ENOX1: variants seen among roughly 807,000 people sequenced by gnomAD.
ENOX1 encodes the protein ecto-NOX disulfide-thiol exchanger 1.
A neutral mutation model predicts 82.5 loss-of-function variants in ENOX1; 42 were observed. The ratio of observed to expected loss-of-function variants is 0.51; its 90% confidence interval spans 0.40 to 0.66. ENOX1 has a LOEUF of 0.66. Among genes scored for constraint, ENOX1 ranks in the 30% least tolerant of loss-of-function variants. The probability of loss-of-function intolerance (pLI) is 0.00; values close to 1 mark genes in which losing one functional copy is unlikely to be tolerated. For missense variants in ENOX1, 608 were observed against 811.6 expected (o/e 0.75, Z 3.05); for synonymous variants, 271 against 282.2 (o/e 0.96, Z 0.40).
intron 1 of ENOX1, among the ~76,000 whole-genome samples, chr13:43,784,330 G>C (rs1312112309): frequency 6.6e-6 from 1 of 152,120 alleles, no homozygotes; most frequent in Non-Finnish European, 1.5e-5. Flanking sequence ...GTATGAACTA[G>C]AGAAATAAAA....
chr13:43,285,782 C>G (rs2045658950), intron 12 of ENOX1, among the ~76,000 whole-genome samples: 1 of 145,340 alleles, frequency 6.9e-6, no homozygotes, highest in African/African-American at 2.6e-5. Flanking sequence ...TGCACTCCAG[C>G]CTGGGTGACA....
chr13:43,726,969 T>C (rs988343580), intron 1 of ENOX1, among the ~76,000 whole-genome samples: 1 of 152,166 alleles, frequency 6.6e-6, no homozygotes, highest in Non-Finnish European at 1.5e-5. Context: ...CTCGAATTCC[T>C]GACCTCAAGT....
intron 2 of ENOX1, chr13:43,544,372 G>C (rs1371639177): frequency 6.6e-6 from 1 of 152,102 alleles, no homozygotes; most frequent in Non-Finnish European, 1.5e-5. Flanking sequence ...CCAAAGTTAG[G>C]CACTCACTAA....
chr13:43,773,058 C>A (rs561406344), intron 1 of ENOX1, among the ~76,000 whole-genome samples: 1 of 152,306 alleles, frequency 6.6e-6, no homozygotes, highest in Admixed American at 6.5e-5. Context: ...GGTCACTATT[C>A]TTGTCCCTTG....
At chr13:43,535,134 A>G (rs2153690595) in intron 2 of ENOX1, among the ~76,000 whole-genome samples, 1 of 152,326 alleles carries the variant, frequency 6.6e-6, no homozygotes, top group African/African-American at 2.4e-5. Context: ...TAGAGATTAC[A>G]CTACAGAGTA....
intron 3 of ENOX1, among the ~76,000 whole-genome samples, chr13:43,432,372 G>A (rs2055726232): frequency 6.6e-6 from 1 of 152,184 alleles, no homozygotes; most frequent in Admixed American, 6.5e-5. Context: ...AGGGTACAGT[G>A]GCTAACACCT....
chr13:43,314,195 A>C (rs991610071), intron 11 of ENOX1, among the ~76,000 whole-genome samples: 2 of 152,176 alleles, frequency 1.3e-5, no homozygotes, highest in African/African-American at 4.8e-5. Context: ...TCCCTCTTTG[A>C]TATCAAGAGC....
At chr13:43,559,699 C>T (rs75726044) in intron 2 of ENOX1, among the ~76,000 whole-genome samples, 1,906 of 152,232 alleles carry the variant, frequency 0.013, 34 homozygotes, top group African/African-American at 0.044. Context: ...AGGTGCCATA[C>T]AGAACAATAT....
At chr13:43,668,562 C>T (rs912617752) in intron 1 of ENOX1, among the ~76,000 whole-genome samples, 12 of 152,284 alleles carry the variant, frequency 7.9e-5, no homozygotes, top group Admixed American at 4.6e-4. Context: ...AAGTATTTTA[C>T]ACTCTAAAGA....
intron 12 of ENOX1, among the ~76,000 whole-genome samples, chr13:43,278,877 A>G (rs1256433409): frequency 2.0e-5 from 3 of 152,232 alleles, no homozygotes; most frequent in Admixed American, 6.5e-5. Flanking sequence ...AGTTCAAAAG[A>G]AAAAAATTTT....
At chr13:43,699,442 C>T (rs1446362462) in intron 1 of ENOX1, among the ~76,000 whole-genome samples, 1 of 152,172 alleles carries the variant, frequency 6.6e-6, no homozygotes, top group Non-Finnish European at 1.5e-5. Flanking sequence ...AAAGTTACTC[C>T]TTTTCTGAAT....
At chr13:43,479,152 G>A (rs896170673) in intron 3 of ENOX1, among the ~76,000 whole-genome samples, 2 of 152,148 alleles carry the variant, frequency 1.3e-5, no homozygotes, top group Non-Finnish European at 2.9e-5. Context: ...AGGCAGAAGT[G>A]TTGAGGGGGA....
chr13:43,231,082 G>A (rs2042257694), intron 15 of ENOX1, among the ~76,000 whole-genome samples: 1 of 152,142 alleles, frequency 6.6e-6, no homozygotes, highest in African/African-American at 2.4e-5. Flanking sequence ...CAGCTCACTG[G>A]GATAGAGGAG....
At chr13:43,295,767 G>A (rs2046252122) in intron 12 of ENOX1, among the ~76,000 whole-genome samples, 2 of 152,172 alleles carry the variant, frequency 1.3e-5, no homozygotes, top group Admixed American at 1.3e-4. Context: ...TTTGTGGTGG[G>A]ATTCAAATTA....
chr13:43,511,069 T>C (rs1386190691), intron 2 of ENOX1, among the ~76,000 whole-genome samples: 1 of 152,194 alleles, frequency 6.6e-6, no homozygotes, highest in Non-Finnish European at 1.5e-5. Context: ...ACTATTCTTC[T>C]ACATATTTAG....
At chr13:43,241,515 A>G (rs952461769) in intron 14 of ENOX1, among the ~76,000 whole-genome samples, 2 of 152,158 alleles carry the variant, frequency 1.3e-5, no homozygotes, top group African/African-American at 4.8e-5. Context: ...TCTCAGTGAG[A>G]TCTATTGGAT....
At chr13:43,740,570 T>A (rs2089859490) in intron 1 of ENOX1, among the ~76,000 whole-genome samples, 1 of 152,146 alleles carries the variant, frequency 6.6e-6, no homozygotes, top group Non-Finnish European at 1.5e-5. Flanking sequence ...ACAGATTATG[T>A]CATTACCCAG....
intron 1 of ENOX1, among the ~76,000 whole-genome samples, chr13:43,668,362 G>A (rs942689001): frequency 6.6e-5 from 10 of 152,100 alleles, no homozygotes; most frequent in Admixed American, 5.9e-4. Context: ...AGGTTGCCCC[G>A]AACTTCAAGA....
chr13:43,242,070 C>T (rs1408812507), intron 14 of ENOX1, among the ~76,000 whole-genome samples: 1 of 152,198 alleles, frequency 6.6e-6, no homozygotes, highest in Non-Finnish European at 1.5e-5. Flanking sequence ...ATGTTGTCCA[C>T]CTGTGTCTAC....
Sources: allele counts gnomAD v4.1 joint callset (sites outside exome capture counted in the v4.1 genomes callset), GRCh38; gene constraint gnomAD v4.1.1; transcripts MANE v1.5; gene names NCBI Gene and HGNC (gene_info 2026-07-23, HGNC 2026-07-21).